STXBP5L: variants seen among roughly 807,000 people sequenced by gnomAD.
The protein encoded by STXBP5L is syntaxin-binding protein 5-like.
STXBP5L carries 65 observed loss-of-function variants against 144.5 expected under a neutral mutation model. That is an observed-to-expected ratio of 0.45 (90% CI 0.37 to 0.55). The LOEUF is 0.55. Ranked by LOEUF, STXBP5L falls within the 20% of genes least tolerant of loss-of-function variation. STXBP5L has a pLI of 0.00. For synonymous variants in STXBP5L, 505 were observed against 469.6 expected (o/e 1.08, Z -0.97); for missense variants, 1,298 against 1,405.5 (o/e 0.92, Z 1.22).
At chr3:121,320,916 G>A (rs1317185378) in intron 20 of STXBP5L, among the ~76,000 whole-genome samples, 1 of 152,066 alleles carries the variant, frequency 6.6e-6, no homozygotes, top group African/African-American at 2.4e-5. Flanking sequence ...AGCCAGGATA[G>A]TCTCGATCTC....
At chr3:120,963,787 A>T (rs77422072) in intron 3 of STXBP5L, among the ~76,000 whole-genome samples, 1 of 152,210 alleles carries the variant, frequency 6.6e-6, no homozygotes, top group Non-Finnish European at 1.5e-5. Context: ...TTGGCCTCAT[A>T]AAATGAATTT....
chr3:120,987,128 A>G (rs1458173698), intron 3 of STXBP5L, among the ~76,000 whole-genome samples: 1 of 152,046 alleles, frequency 6.6e-6, no homozygotes, highest in African/African-American at 2.4e-5. Context: ...GAGACACATT[A>G]TAATCAGACT....
chr3:120,925,550 A>G (rs537681390), intron 2 of STXBP5L, among the ~76,000 whole-genome samples: 2 of 152,162 alleles, frequency 1.3e-5, no homozygotes, highest in African/African-American at 4.8e-5. Flanking sequence ...ATGTGGATTT[A>G]TTGTAAGGAG....
intron 20 of STXBP5L, among the ~76,000 whole-genome samples, chr3:121,326,818 G>C (rs2044163588): frequency 6.6e-6 from 1 of 152,076 alleles, no homozygotes; most frequent in Non-Finnish European, 1.5e-5. Flanking sequence ...AAGAGACTCA[G>C]CTTGGTCCCT....
At chr3:121,334,296 T>C (rs561797928) in intron 20 of STXBP5L, among the ~76,000 whole-genome samples, 9 of 152,286 alleles carry the variant, frequency 5.9e-5, no homozygotes, top group African/African-American at 2.2e-4. Context: ...GAAGGATTCA[T>C]GGCTGAATTC....
intron 3 of STXBP5L, among the ~76,000 whole-genome samples, chr3:121,012,778 C>G (rs1002697738): frequency 1.3e-5 from 2 of 151,796 alleles, no homozygotes; most frequent in Non-Finnish European, 3.0e-5. Context: ...TTCTAATGAT[C>G]CCATCACCCA....
chr3:121,081,007 T>C (rs1254897114), intron 5 of STXBP5L, among the ~76,000 whole-genome samples: 1 of 152,164 alleles, frequency 6.6e-6, no homozygotes, highest in East Asian at 1.9e-4. Flanking sequence ...TAATTTTAGG[T>C]TTGGCTGTTT....
chr3:121,043,721 C>CAAACA (rs1350362615), intron 4 of STXBP5L, among the ~76,000 whole-genome samples: 2 of 151,724 alleles, frequency 1.3e-5, no homozygotes, highest in Admixed American at 1.3e-4. Context: ...AACAAACAAA[C>CAAACA]AAACAAAAAA....
At chr3:121,304,129 A>T (rs1228949668) in intron 19 of STXBP5L, among the ~76,000 whole-genome samples, 1 of 152,178 alleles carries the variant, frequency 6.6e-6, no homozygotes, top group Non-Finnish European at 1.5e-5. Context: ...GATGAAGTAG[A>T]CTTCAAGGCA....
chr3:121,352,274 C>A (rs1163783580), intron 20 of STXBP5L, among the ~76,000 whole-genome samples: 2 of 152,050 alleles, frequency 1.3e-5, no homozygotes, highest in African/African-American at 4.8e-5. Flanking sequence ...TTACCTTGGG[C>A]AGTATGGCCA....
At chr3:121,370,945 T>C (rs2046011080) in intron 20 of STXBP5L, among the ~76,000 whole-genome samples, 1 of 152,210 alleles carries the variant, frequency 6.6e-6, no homozygotes, top group Admixed American at 6.5e-5. Flanking sequence ...TAGGTTGGGT[T>C]TCAACATTCT....
chr3:121,157,780 C>T, intron 9 of STXBP5L, 153 bp downstream of exon 9: 1 of 976,964 alleles, frequency 1.0e-6, no homozygotes, highest in Non-Finnish European at 1.4e-6. Flanking sequence ...CAGATCCCAA[C>T]ATTGTACCCC....
intron 20 of STXBP5L, among the ~76,000 whole-genome samples, chr3:121,365,915 T>C (rs1479951765): frequency 1.3e-5 from 2 of 151,924 alleles, no homozygotes; most frequent in African/African-American, 2.4e-5. Flanking sequence ...CAAATTTCCC[T>C]CTTTGCACTG....
intron 19 of STXBP5L, among the ~76,000 whole-genome samples, chr3:121,285,556 A>T (rs1324997493): frequency 2.0e-5 from 3 of 152,112 alleles, no homozygotes; most frequent in Non-Finnish European, 4.4e-5. Context: ...CCAAATTTTT[A>T]AATTACCAAG....
chr3:121,087,981 T>A (rs1263103394), intron 5 of STXBP5L, among the ~76,000 whole-genome samples: 1 of 152,142 alleles, frequency 6.6e-6, no homozygotes, highest in East Asian at 1.9e-4. Context: ...ATAATAAATT[T>A]TATTGTTTTT....
At chr3:121,087,304 GATTT>G (rs2042546332) in intron 5 of STXBP5L, among the ~76,000 whole-genome samples, 1 of 151,952 alleles carries the variant, frequency 6.6e-6, no homozygotes, top group Non-Finnish European at 1.5e-5. Context: ...AAGAATCATG[GATTT>G]CTTTTTCCTC....
At chr3:121,130,045 A>G (rs1420622027) in intron 7 of STXBP5L, among the ~76,000 whole-genome samples, 1 of 152,054 alleles carries the variant, frequency 6.6e-6, no homozygotes, top group Non-Finnish European at 1.5e-5. Flanking sequence ...TGAACCAACT[A>G]ATTTTTATAT....
intron 2 of STXBP5L, 146 bp downstream of exon 2, chr3:120,909,913 T>G: frequency 1.2e-6 from 1 of 807,896 alleles, no homozygotes; most frequent in Non-Finnish European, 1.9e-6. Context: ...TAGATCAGTT[T>G]GGCTTAATAG....
At chr3:121,053,343 A>T (rs1948178280) in intron 5 of STXBP5L, among the ~76,000 whole-genome samples, 1 of 152,200 alleles carries the variant, frequency 6.6e-6, no homozygotes, top group South Asian at 2.1e-4. Context: ...TTCAAACTAT[A>T]CTACAAGGCT....
Sources: gnomAD v4.1 joint callset for allele counts (sites outside exome capture counted in the v4.1 genomes callset) on GRCh38, gnomAD v4.1.1 for gene constraint, MANE v1.5 for transcripts, NCBI Gene and HGNC (gene_info 2026-07-23, HGNC 2026-07-21) for gene names.